STX8: variants seen among roughly 807,000 people sequenced by gnomAD.
The protein encoded by STX8 is syntaxin-8.
A neutral mutation model predicts 37.5 loss-of-function variants in STX8; 23 were observed. The observed-to-expected ratio is 0.61, with a 90% CI of 0.44 to 0.87. STX8 has a LOEUF of 0.87. Ranked by LOEUF, STX8 falls within the 40% of genes least tolerant of loss-of-function variation. The pLI is 0.00. For missense variants in STX8, 313 were observed against 284.7 expected, an observed-to-expected ratio of 1.10 and a Z score of -0.71; for synonymous variants, 115 against 99.1, an observed-to-expected ratio of 1.16 and a Z score of -0.95.
chr17:9,347,051 C>A (rs1427662936), intron 7 of STX8, among the ~76,000 whole-genome samples: 14 of 151,856 alleles, frequency 9.2e-5, no homozygotes, highest in Non-Finnish European at 2.9e-5. Flanking sequence ...CGCTTAAACC[C>A]AGGAGGCAGA....
intron 7 of STX8, among the ~76,000 whole-genome samples, chr17:9,341,308 G>T (rs1910348745): frequency 6.6e-6 from 1 of 152,080 alleles, no homozygotes; most frequent in Non-Finnish European, 1.5e-5. Flanking sequence ...CCTCCACAAT[G>T]AATAAAGAGA....
intron 6 of STX8, among the ~76,000 whole-genome samples, chr17:9,390,492 G>C (rs1218072885): frequency 7.5e-6 from 1 of 132,812 alleles, no homozygotes; most frequent in African/African-American, 2.9e-5. Flanking sequence ...ATTGCACTAC[G>C]GCCTGGACAG....
At chr17:9,437,320 A>G (rs529970785) in intron 6 of STX8, among the ~76,000 whole-genome samples, 78 of 152,338 alleles carry the variant, frequency 5.1e-4, no homozygotes, top group Middle Eastern at 6.8e-3. Context: ...TAAAGGAGCC[A>G]TTAACAAGAG....
chr17:9,357,161 C>T (rs898114502), intron 7 of STX8, among the ~76,000 whole-genome samples: 1 of 151,690 alleles, frequency 6.6e-6, no homozygotes, highest in South Asian at 2.1e-4. Context: ...GACGGGGTTT[C>T]GCCATGTTGG....
chr17:9,418,603 C>T (rs372596777), intron 6 of STX8, among the ~76,000 whole-genome samples: 1 of 150,268 alleles, frequency 6.7e-6, no homozygotes, highest in African/African-American at 2.4e-5. Context: ...CTGAGGCAGG[C>T]GGATCATGAG....
chr17:9,404,970 C>T (rs1200979956), intron 6 of STX8, among the ~76,000 whole-genome samples: 1 of 152,146 alleles, frequency 6.6e-6, no homozygotes, highest in Non-Finnish European at 1.5e-5. Flanking sequence ...TCAACCTCCA[C>T]CCACATCCCC....
rs943528861 is a variant in STX8, at chr17:9,383,582, A to G, written c.542-4929T>C. ...GATCAGGAACAAGGCTATGACGTCTATTCTGACAGCATCTGTTGAACATTT... is the reference window on the plus strand; with the variant it reads ...GATCAGGAACAAGGCTATGACGTCTGTTCTGACAGCATCTGTTGAACATTT... On this transcript the variant is annotated intron_variant, in intron 6 of 7. Coordinates refer to ENST00000306357, the MANE Select transcript of STX8 (RefSeq NM_004853.3). 2.0e-5 allele frequency among the ~76,000 whole-genome samples: 3 copies of G among 152,222 alleles called. No individual in the cohort carries two copies. In the East Asian group the frequency reaches 5.8e-4, roughly 29 times the overall value.
chr17:9,571,246 C>T (rs1907675626), intron 1 of STX8, among the ~76,000 whole-genome samples: 1 of 152,120 alleles, frequency 6.6e-6, no homozygotes, highest in African/African-American at 2.4e-5. Flanking sequence ...AGTTCTGAAA[C>T]AAGTTGGAAT....
chr17:9,451,371 C>T (rs1330467069), intron 6 of STX8, among the ~76,000 whole-genome samples: 2 of 152,156 alleles, frequency 1.3e-5, no homozygotes. Flanking sequence ...AGTTCGAGAA[C>T]TTACACAAGG....
rs1230510333 is a variant in STX8 at position 9,308,055 on chromosome 17, G to A, written c.644-57410C>T. Among the ~76,000 whole-genome samples the A allele has an allele frequency of 2.0e-5, 3 of 152,144 alleles. No homozygotes were observed. The East Asian group carries it at 5.8e-4, about 29-fold the overall frequency. ...TTTAATCAAAGTTGTATATGACGTG[G>A]GGGCCTTCAGCAATGAAGACCCAAA... On this transcript the variant is annotated intron_variant, in intron 7 of 7. Transcript: ENST00000306357.
intron 7 of STX8, among the ~76,000 whole-genome samples, chr17:9,368,083 T>C (rs1911286665): frequency 6.6e-6 from 1 of 152,188 alleles, no homozygotes; most frequent in Admixed American, 6.5e-5. Flanking sequence ...AAAAATTACT[T>C]GCAGAAAAGA....
At chr17:9,529,717 T>C (rs1033952390) in intron 4 of STX8, among the ~76,000 whole-genome samples, 7 of 152,334 alleles carry the variant, frequency 4.6e-5, no homozygotes, top group African/African-American at 1.4e-4. Flanking sequence ...TGGTGTACAG[T>C]TGTAGATTGT....
chr17:9,447,461 T>C (rs1237958696), intron 6 of STX8, among the ~76,000 whole-genome samples: 1 of 152,222 alleles, frequency 6.6e-6, no homozygotes, highest in Non-Finnish European at 1.5e-5. Context: ...CTTGCTCTGT[T>C]GCCCAGGCTG....
chr17:9,427,420 G>C (rs1887759193), intron 6 of STX8, among the ~76,000 whole-genome samples: 1 of 152,170 alleles, frequency 6.6e-6, no homozygotes, highest in Admixed American at 6.5e-5. Context: ...AAAAATCCAT[G>C]TCGGTATTTC....
In STX8 at chr17:9,274,740, ATTTCTTT is replaced by A. The variant is rs1230438314; in HGVS notation, c.644-24102_644-24096del. Among the ~76,000 whole-genome samples, 158 of 112,510 alleles carry A rather than the reference ATTTCTTT, an allele frequency of 1.4e-3. 14 individuals are homozygous for A. The highest frequency in any genetic ancestry group is 5.8e-3 in the Middle Eastern group (1 of 172). The allele number at this position is 112,510 out of a possible 152,430, so 73.8% of individuals were successfully genotyped here. On this transcript the variant is annotated intron_variant, in intron 7 of 7. Transcript: ENST00000306357. ...AAACAAAGTCTTCAAAAATACAACAATTTCTTTTTTCTTTTTTTTTTTTTTTTTTGAG... is the reference window on the plus strand; with the variant it reads ...AAACAAAGTCTTCAAAAATACAACAATTTCTTTTTTTTTTTTTTTTTTGAG...
At chr17:9,560,415 AC>A (rs1907183969) in intron 2 of STX8, among the ~76,000 whole-genome samples, 1 of 151,048 alleles carries the variant, frequency 6.6e-6, no homozygotes, top group African/African-American at 2.4e-5. Flanking sequence ...AAAAAAAAAA[AC>A]GGTAGAAGAA....
chr17:9,345,848 C>CTTCTTTTTTTTT (rs1910512567), intron 7 of STX8, among the ~76,000 whole-genome samples: 1 of 52,076 alleles, frequency 1.9e-5, no homozygotes, highest in Non-Finnish European at 3.4e-5. Context: ...TTATGCATTC[C>CTTCTTTTTTTTT]TTTTTTTTTT....
At chr17:9,255,985 A>G (rs1468659487) in intron 7 of STX8, among the ~76,000 whole-genome samples, 1 of 152,194 alleles carries the variant, frequency 6.6e-6, no homozygotes, top group Non-Finnish European at 1.5e-5. Context: ...GATGTTTCGG[A>G]ATGAGTAAGC....
chr17:9,294,667 G>A (rs540684763), intron 7 of STX8, among the ~76,000 whole-genome samples: 63 of 152,284 alleles, frequency 4.1e-4, no homozygotes, highest in African/African-American at 1.4e-3. Context: ...AAGAACTAGG[G>A]GCCAGGGAAA....
Sources: gnomAD v4.1 joint callset for allele counts (sites outside exome capture counted in the v4.1 genomes callset) on GRCh38, gnomAD v4.1.1 for gene constraint, MANE v1.5 for transcripts, NCBI Gene and HGNC (gene_info 2026-07-23, HGNC 2026-07-21) for gene names.